Variants in LRP1B observed in about 807,000 individuals in gnomAD.
LRP1B encodes low-density lipoprotein receptor-related protein 1B.
Under a neutral mutation model 556.6 loss-of-function variants are expected in LRP1B, and 217 were observed. The observed-to-expected ratio is 0.39, with a 90% CI of 0.35 to 0.44. The LOEUF is 0.44. LRP1B is among the 20% of genes least tolerant of loss of function. LRP1B has a pLI of 1.00. For missense variants in LRP1B, 5,053 were observed against 5,620.8 expected, an observed-to-expected ratio of 0.90 and a Z score of 3.23; for synonymous variants, 2,047 against 1,865.8, an observed-to-expected ratio of 1.10 and a Z score of -2.50.
intron 58 of LRP1B, among the ~76,000 whole-genome samples, chr2:140,486,842 C>T (rs968623616): frequency 6.6e-6 from 1 of 151,732 alleles, no homozygotes; most frequent in Non-Finnish European, 1.5e-5. Flanking sequence ...ATCCAGCTTA[C>T]TATTTGTTTC....
intron 1 of LRP1B, among the ~76,000 whole-genome samples, chr2:141,901,289 G>C (rs1037730794): frequency 6.6e-6 from 1 of 151,952 alleles, no homozygotes; most frequent in Non-Finnish European, 1.5e-5. Context: ...TAAGAATGGA[G>C]GAAACTAACC....
chr2:140,582,783 G>C (rs1681824880), intron 43 of LRP1B, among the ~76,000 whole-genome samples: 1 of 152,114 alleles, frequency 6.6e-6, no homozygotes, highest in African/African-American at 2.4e-5. Flanking sequence ...CCCATCTCTG[G>C]TAGTTGGTTA....
chr2:141,924,237 A>C (rs1700275440), intron 1 of LRP1B, among the ~76,000 whole-genome samples: 1 of 151,814 alleles, frequency 6.6e-6, no homozygotes, highest in Admixed American at 6.6e-5. Flanking sequence ...GAGAGAAGAG[A>C]AGGTATGTCT....
intron 2 of LRP1B, among the ~76,000 whole-genome samples, chr2:141,797,146 C>T (rs1212035356): frequency 1.3e-5 from 1 of 79,086 alleles, no homozygotes; most frequent in Non-Finnish European, 2.4e-5. Context: ...TGAAAATAAT[C>T]ATATATATAT....
intron 7 of LRP1B, among the ~76,000 whole-genome samples, chr2:141,068,444 A>T (rs76282987): frequency 0.042 from 6,274 of 150,218 alleles, 139 homozygotes; most frequent in South Asian, 0.074. Flanking sequence ...ACCAGGTGTG[A>T]TGTTTGCATA....
chr2:141,971,940 C>G (rs967972689), intron 1 of LRP1B, among the ~76,000 whole-genome samples: 16 of 151,436 alleles, frequency 1.1e-4, no homozygotes, highest in East Asian at 3.9e-4. Context: ...GCTATTCTCT[C>G]TGTGTAAAAT....
At chr2:141,166,873 T>A (rs1680288100) in intron 7 of LRP1B, among the ~76,000 whole-genome samples, 2 of 93,146 alleles carry the variant, frequency 2.1e-5, no homozygotes, top group African/African-American at 8.0e-5. Flanking sequence ...GAAAACAATT[T>A]TAGAAAAATG....
At chr2:140,657,626 C>T (rs28709267) in intron 41 of LRP1B, among the ~76,000 whole-genome samples, 1,179 of 39,986 alleles carry the variant, frequency 0.029, 16 homozygotes, top group African/African-American at 0.044. Flanking sequence ...TACATATATA[C>T]ATACATATAT....
intron 3 of LRP1B, among the ~76,000 whole-genome samples, chr2:141,412,302 TGGGGTTCCACA>T (rs1376760549): frequency 6.6e-6 from 1 of 152,216 alleles, no homozygotes; most frequent in Non-Finnish European, 1.5e-5. Context: ...ATTTCCACAC[TGGGGTTCCACA>T]GTAGGAAAGA....
chr2:141,979,257 A>G (rs1247670967), intron 1 of LRP1B, among the ~76,000 whole-genome samples: 2 of 152,148 alleles, frequency 1.3e-5, no homozygotes, highest in African/African-American at 4.8e-5. Flanking sequence ...GAAGAAAGCA[A>G]AGAGATAGAA....
chr2:140,730,747 C>T (rs937286038), intron 35 of LRP1B, among the ~76,000 whole-genome samples: 4 of 152,022 alleles, frequency 2.6e-5, no homozygotes, highest in South Asian at 2.1e-4. Context: ...TTAGTAGAGA[C>T]GGAGTTTCAC....
At chr2:142,002,237 CTTCT>C (rs758523380) in intron 1 of LRP1B, among the ~76,000 whole-genome samples, 2 of 152,052 alleles carry the variant, frequency 1.3e-5, no homozygotes, top group Non-Finnish European at 2.9e-5. Context: ...ATCAATCTTC[CTTCT>C]TTAACAGTCA....
intron 81 of LRP1B, among the ~76,000 whole-genome samples, chr2:140,322,874 T>C (rs1680225733): frequency 6.6e-6 from 1 of 151,864 alleles, no homozygotes; most frequent in South Asian, 2.1e-4. Context: ...GGGTTTTGTC[T>C]ACTTTTTATG....
rs145355535 is a variant in LRP1B at position 141,771,394 on chromosome 2, C to T, written c.205+38885G>A. Among the ~76,000 whole-genome samples the T allele has an allele frequency of 8.2e-3, 1,245 of 152,248 alleles. 7 individuals carry two copies. Among genetic ancestry groups the T allele is most frequent in the Middle Eastern group, 0.044 (13 of 294 alleles). ...TTGGCTTTTACATGTATTAAATCCA[C>T]CCAAGTCACTTGGTCTGTTAATCTG... On this transcript the variant is annotated intron_variant, in intron 2 of 90. Coordinates refer to ENST00000389484, the MANE Select transcript of LRP1B (RefSeq NM_018557.3).
chr2:141,312,583 G>A (rs1686853638), intron 3 of LRP1B, among the ~76,000 whole-genome samples: 1 of 152,126 alleles, frequency 6.6e-6, no homozygotes, highest in African/African-American at 2.4e-5. Flanking sequence ...AAGAATACTT[G>A]TCTATGGTAT....
At chr2:141,699,065 A>G (rs1275186881) in intron 2 of LRP1B, among the ~76,000 whole-genome samples, 1 of 151,894 alleles carries the variant, frequency 6.6e-6, no homozygotes, top group African/African-American at 2.4e-5. Context: ...TCAGAATCCT[A>G]TTTAACCCAC....
In LRP1B at chr2:141,830,156, C is replaced by T. The variant is rs368222383; in HGVS notation, c.83-19755G>A. 1.9e-3 allele frequency among the ~76,000 whole-genome samples: 288 copies of T among 151,924 alleles called. 1 individual carries two copies. Among genetic ancestry groups the T allele is most frequent in the African/African-American group, 6.9e-3 (285 of 41,500 alleles). ...TTAATTGATATCATAGTAAGTGCTCCTTCTCTAATAAAAACTGTAACCTTA... is the reference window on the plus strand; with the variant it reads ...TTAATTGATATCATAGTAAGTGCTCTTTCTCTAATAAAAACTGTAACCTTA... On this transcript the variant is annotated intron_variant, in intron 1 of 90. Transcript: ENST00000389484.
intron 43 of LRP1B, among the ~76,000 whole-genome samples, chr2:140,584,837 T>C (rs1473061188): frequency 6.6e-6 from 1 of 152,092 alleles, no homozygotes; most frequent in Non-Finnish European, 1.5e-5. Context: ...TTACCCTGGA[T>C]AGCTGAGGCC....
At chr2:141,282,501 G>GTATATC (rs1685546319) in intron 3 of LRP1B, among the ~76,000 whole-genome samples, 1 of 150,964 alleles carries the variant, frequency 6.6e-6, no homozygotes, top group Non-Finnish European at 1.5e-5. Flanking sequence ...ATATGTATAT[G>GTATATC]TATATGTATA....
Sources: allele counts gnomAD v4.1 joint callset (sites outside exome capture counted in the v4.1 genomes callset), GRCh38; gene constraint gnomAD v4.1.1; transcripts MANE v1.5; gene names NCBI Gene and HGNC (gene_info 2026-07-23, HGNC 2026-07-21).